AHI1: variants seen among roughly 807,000 people sequenced by gnomAD.
The protein encoded by AHI1 is Abelson helper integration site 1, also known as jouberin.
In AHI1, 123 loss-of-function variants were observed where a neutral mutation model predicts 149.3. That is an observed-to-expected ratio of 0.82 (90% CI 0.71 to 0.96). The LOEUF (loss-of-function observed/expected upper bound fraction) is 0.96, where lower values mean the gene tolerates loss of function less well. Among genes scored for constraint, AHI1 ranks in the 40% least tolerant of loss-of-function variants. AHI1 has a pLI of 0.00. For missense variants in AHI1, 1,439 were observed against 1,422.7 expected, an observed-to-expected ratio of 1.01 and a Z score of -0.18; for synonymous variants, 475 against 459.8, an observed-to-expected ratio of 1.03 and a Z score of -0.42.
chr6:135,429,130 A>G (rs1413209969), intron 18 of AHI1, among the ~76,000 whole-genome samples: 1 of 151,712 alleles, frequency 6.6e-6, no homozygotes, highest in East Asian at 1.9e-4. Flanking sequence ...AAACTAATGG[A>G]TAGAATTTTT....
chr6:135,474,509 A>G (rs1792276337), intron 5 of AHI1: 2 of 150,464 alleles, frequency 1.3e-5, no homozygotes, highest in Admixed American at 1.3e-4. Context: ...TTTTTTTTAG[A>G]CTAGTCAAAT....
chr6:135,379,330 C>A (rs1172166743), intron 23 of AHI1, among the ~76,000 whole-genome samples: 3 of 152,288 alleles, frequency 2.0e-5, no homozygotes, highest in South Asian at 2.1e-4. Flanking sequence ...ACATTCTAGA[C>A]CTCCACGTTA....
chr6:135,415,658 A>G (rs936656840), intron 20 of AHI1, among the ~76,000 whole-genome samples: 1 of 152,194 alleles, frequency 6.6e-6, no homozygotes, highest in African/African-American at 2.4e-5. Flanking sequence ...GCTCCTAGAA[A>G]TTTGTCAAAG....
chr6:135,417,603 C>T (rs1308455112), intron 20 of AHI1, among the ~76,000 whole-genome samples: 1 of 151,736 alleles, frequency 6.6e-6, no homozygotes, highest in African/African-American at 2.4e-5. Flanking sequence ...CAAATGGAAG[C>T]GGATAACACA....
At position 135,411,462 on chromosome 6, in the gene AHI1, T is replaced by C; in HGVS notation, c.2847A>G (p.Leu949=). ...GATGGGGTAGTTTTGGACAGGTACA[T>C]AGGGCATCTTGACTTTGGTGTATTC... ...LPGIHQSQDA[L]CTCPKLPHQG... The change falls in exon 21 of 29, where the codon CTA becomes CTG. Residue 949 remains leucine, a synonymous_variant. Coordinates refer to ENST00000265602, the MANE Select transcript of AHI1 (RefSeq NM_001134831.2). 10 of 1,613,582 alleles carry C rather than the reference T, an allele frequency of 6.2e-6. No individual in the cohort carries two copies. Among genetic ancestry groups the C allele is most frequent in the Admixed American group, 1.7e-5 (1 of 60,002 alleles).
rs111609402 is a variant in AHI1, at chr6:135,379,059, T to C, written c.3109+15717A>G. ...AGCCTATATTCCAAAATACACTGTA[T>C]AGTTCCTAGCACAGGGCTTGACTCA... On this transcript the variant is annotated intron_variant, in intron 23 of 28. Transcript: ENST00000265602. Among the ~76,000 whole-genome samples, 1,404 of 152,300 alleles carry C rather than the reference T, an allele frequency of 9.2e-3. 20 individuals are homozygous for C. Among genetic ancestry groups the C allele is most frequent in the African/African-American group, 0.031 (1,307 of 41,560 alleles).
chr6:135,411,931 T>G (rs903982803), intron 20 of AHI1, among the ~76,000 whole-genome samples: 2 of 152,180 alleles, frequency 1.3e-5, no homozygotes, highest in African/African-American at 4.8e-5. Context: ...CTTCTTAATT[T>G]TTACACACAC....
chr6:135,340,906 T>C (rs1790270528), intron 24 of AHI1, among the ~76,000 whole-genome samples: 1 of 151,268 alleles, frequency 6.6e-6, no homozygotes, highest in Non-Finnish European at 1.5e-5. Context: ...CTAGATTGTT[T>C]TGAGATGTTA....
At chr6:135,449,831 CA>C (rs1787825855) in intron 11 of AHI1, among the ~76,000 whole-genome samples, 1 of 152,154 alleles carries the variant, frequency 6.6e-6, no homozygotes, top group African/African-American at 2.4e-5. Context: ...ATGGCTAGCA[CA>C]AATGTGAAAG....
chr6:135,302,674 C>T lies in AHI1; in HGVS notation c.3427-2116G>A, dbSNP rs1351150614. On this transcript the variant is annotated intron_variant, in intron 26 of 28. Coordinates refer to ENST00000265602, the MANE Select transcript of AHI1 (RefSeq NM_001134831.2). ...TTACTTGAAAAGGACACTTACTTAACTAGGACCAATATTTGACTTCCAAAC... is the reference window on the plus strand; with the variant it reads ...TTACTTGAAAAGGACACTTACTTAATTAGGACCAATATTTGACTTCCAAAC... 5 of 1,192,758 alleles carry T rather than the reference C, an allele frequency of 4.2e-6. No individual in the cohort carries two copies. The African/African-American group carries it at 8.1e-5, about 19-fold the overall frequency. The allele number at this position is 1,192,758 out of a possible 1,614,324, so 73.9% of individuals were successfully genotyped here.
chr6:135,294,571 AATAG>A (rs1259800061), intron 27 of AHI1, among the ~76,000 whole-genome samples: 3 of 151,956 alleles, frequency 2.0e-5, no homozygotes, highest in African/African-American at 7.2e-5. Flanking sequence ...ATAGAAAAAT[AATAG>A]ATAGACCATA....
intron 23 of AHI1, among the ~76,000 whole-genome samples, chr6:135,392,211 T>C (rs1778609156): frequency 6.6e-6 from 1 of 152,210 alleles, no homozygotes; most frequent in African/African-American, 2.4e-5. Context: ...TTACTCCACA[T>C]GCTAAATAGA....
intron 22 of AHI1, among the ~76,000 whole-genome samples, chr6:135,398,058 GTTTTTTTT>G (rs68148024): frequency 6.8e-5 from 6 of 88,430 alleles, no homozygotes; most frequent in African/African-American, 2.6e-4. Flanking sequence ...TACCCAGGAT[GTTTTTTTT>G]TTTTTTTTTT....
At chr6:135,390,857 T>C (rs540240166) in intron 23 of AHI1, among the ~76,000 whole-genome samples, 1 of 152,376 alleles carries the variant, frequency 6.6e-6, no homozygotes, top group South Asian at 2.1e-4. Context: ...TTCATACAAA[T>C]GCAAGTTGCT....
At chr6:135,343,776 G>A (rs1414072879) in intron 24 of AHI1, among the ~76,000 whole-genome samples, 1 of 151,828 alleles carries the variant, frequency 6.6e-6, no homozygotes, top group Non-Finnish European at 1.5e-5. Context: ...GACCTTAAAG[G>A]TAACAGCTAA....
intron 18 of AHI1, among the ~76,000 whole-genome samples, 178 bp downstream of exon 18, chr6:135,429,704 C>T (rs1043175995): frequency 6.6e-6 from 1 of 150,878 alleles, no homozygotes. Context: ...TTTTTTATCT[C>T]GACTCATTAG....
intron 5 of AHI1, among the ~76,000 whole-genome samples, chr6:135,478,713 G>T (rs1021655876): frequency 1.3e-5 from 2 of 152,228 alleles, no homozygotes; most frequent in African/African-American, 4.8e-5. Flanking sequence ...CACAAATAAA[G>T]AAAAGCCAAA....
chr6:135,459,418 CT>C (rs1275527517), intron 8 of AHI1, among the ~76,000 whole-genome samples: 1 of 151,814 alleles, frequency 6.6e-6, no homozygotes, highest in Non-Finnish European at 1.5e-5. Context: ...TGAAATCTTT[CT>C]TATAAAACCC....
At chr6:135,394,930 T>A in intron 22 of AHI1, 34 bp from the exon 23 acceptor site, 1 of 1,569,140 alleles carries the variant, frequency 6.4e-7, no homozygotes, top group Non-Finnish European at 8.7e-7. Context: ...AACTACAGTG[T>A]AATTTCCTGG....
Sources: allele counts gnomAD v4.1 joint callset (sites outside exome capture counted in the v4.1 genomes callset), GRCh38; gene constraint gnomAD v4.1.1; transcripts MANE v1.5; gene names NCBI Gene and HGNC (gene_info 2026-07-23, HGNC 2026-07-21).